FOXP1: variants seen among roughly 807,000 people sequenced by gnomAD.
FOXP1 encodes the protein forkhead box P1, also known as forkhead box protein P1.
A neutral mutation model predicts 98.2 loss-of-function variants in FOXP1; 15 were observed. The observed-to-expected ratio is 0.15, with a 90% CI of 0.10 to 0.24. The LOEUF is 0.24. Ranked by LOEUF, FOXP1 falls within the 10% of genes least tolerant of loss-of-function variation. The pLI is 1.00. For missense variants in FOXP1, 633 were observed against 848.5 expected, an observed-to-expected ratio of 0.75 and a Z score of 3.15; for synonymous variants, 371 against 314.5, an observed-to-expected ratio of 1.18 and a Z score of -1.90.
At chr3:71,243,262 A>G (rs2067438509) in intron 5 of FOXP1, among the ~76,000 whole-genome samples, 1 of 152,240 alleles carries the variant, frequency 6.6e-6, no homozygotes. Context: ...ATAGAAACTT[A>G]GGGGCTGCTC....
intron 5 of FOXP1, among the ~76,000 whole-genome samples, chr3:71,221,048 G>A (rs929013522): frequency 2.0e-5 from 3 of 152,018 alleles, no homozygotes; most frequent in African/African-American, 7.2e-5. Context: ...ACATTTTAGA[G>A]CGGGGTCCCC....
At chr3:71,016,137 TTAAA>T (rs1218246396) in intron 11 of FOXP1, among the ~76,000 whole-genome samples, 1 of 152,176 alleles carries the variant, frequency 6.6e-6, no homozygotes, top group Non-Finnish European at 1.5e-5. Flanking sequence ...AGGAGTACAA[TTAAA>T]TAATTTGGAA....
intron 7 of FOXP1, among the ~76,000 whole-genome samples, chr3:71,107,868 A>C (rs971706278): frequency 6.6e-6 from 1 of 152,214 alleles, no homozygotes; most frequent in Non-Finnish European, 1.5e-5. Flanking sequence ...CTGCAAATAA[A>C]AATGCTAAAA....
chr3:71,278,705 A>G (rs2107374708), intron 5 of FOXP1, among the ~76,000 whole-genome samples: 1 of 152,278 alleles, frequency 6.6e-6, no homozygotes, highest in South Asian at 2.1e-4. Context: ...CCACTTGAAC[A>G]TGGGAGGCGG....
chr3:71,431,625 GT>G (rs1289570322), intron 3 of FOXP1, among the ~76,000 whole-genome samples: 1 of 152,170 alleles, frequency 6.6e-6, no homozygotes, highest in African/African-American at 2.4e-5. Context: ...CCATTGCCTG[GT>G]TTGAATACTT....
intron 6 of FOXP1, among the ~76,000 whole-genome samples, chr3:71,162,018 T>C (rs1247398461): frequency 6.6e-6 from 1 of 152,218 alleles, no homozygotes; most frequent in Non-Finnish European, 1.5e-5. Flanking sequence ...GTTTCAGTTC[T>C]GGACCAATTG....
intron 3 of FOXP1, among the ~76,000 whole-genome samples, chr3:71,363,507 A>C (rs1419248515): frequency 6.6e-6 from 1 of 152,202 alleles, no homozygotes. Flanking sequence ...TTCAGACTGC[A>C]GGCTAATTTT....
intron 17 of FOXP1, among the ~76,000 whole-genome samples, chr3:70,973,193 C>T (rs962316116): frequency 2.0e-5 from 3 of 152,106 alleles, no homozygotes; most frequent in Non-Finnish European, 4.4e-5. Context: ...TTGAGAGTAT[C>T]GCCTTGTATA....
intron 2 of FOXP1, among the ~76,000 whole-genome samples, chr3:71,532,108 C>A (rs1388337552): frequency 6.6e-6 from 1 of 152,048 alleles, no homozygotes; most frequent in Non-Finnish European, 1.5e-5. Flanking sequence ...AAAAAAAATT[C>A]TTTTGTTTTG....
chr3:71,310,958 CA>C (rs1416411185), intron 4 of FOXP1, among the ~76,000 whole-genome samples: 2 of 152,106 alleles, frequency 1.3e-5, no homozygotes, highest in African/African-American at 4.8e-5. Flanking sequence ...TTGTTCTGGG[CA>C]AAAAGTTTAG....
At position 71,476,554 on chromosome 3, in the gene FOXP1, G is replaced by C. The variant is rs913324943; in HGVS notation, c.-168+16872C>G. ...TGCCATTTTGTTATTGCAATGGCGC[G>C]ATCTCAGCTCACTGCAACCTCCACC... On this transcript the variant is annotated intron_variant, in intron 3 of 20. Coordinates refer to ENST00000649528, the MANE Select transcript of FOXP1 (RefSeq NM_001349338.3). Among the ~76,000 whole-genome samples, 8 of 151,896 alleles carry C rather than the reference G, an allele frequency of 5.3e-5. No individual in the cohort carries two copies. In the South Asian group the frequency reaches 1.0e-3, roughly 20 times the overall value.
intron 3 of FOXP1, among the ~76,000 whole-genome samples, chr3:71,397,515 G>A (rs1465883153): frequency 6.6e-6 from 1 of 152,234 alleles, no homozygotes; most frequent in South Asian, 2.1e-4. Flanking sequence ...GGGCCTTGGG[G>A]CCAGTTTTTG....
At chr3:71,338,052 A>T (rs188050962) in intron 4 of FOXP1, among the ~76,000 whole-genome samples, 1 of 152,202 alleles carries the variant, frequency 6.6e-6, no homozygotes, top group South Asian at 2.1e-4. Flanking sequence ...CTCTGAAGAG[A>T]TTCGAAAGAG....
At chr3:71,457,249 A>G (rs998957911) in intron 3 of FOXP1, among the ~76,000 whole-genome samples, 1 of 152,238 alleles carries the variant, frequency 6.6e-6, no homozygotes, top group African/African-American at 2.4e-5. Context: ...CAAAGTCAGA[A>G]AAGCAAACCT....
intron 10 of FOXP1, among the ~76,000 whole-genome samples, chr3:71,043,764 G>A (rs763077089): frequency 7.2e-5 from 11 of 152,150 alleles, no homozygotes; most frequent in South Asian, 2.1e-4. Context: ...GCTTTCTCTC[G>A]AAGAAAAGCA....
intron 5 of FOXP1, among the ~76,000 whole-genome samples, chr3:71,243,468 T>C (rs549201549): frequency 2.6e-5 from 4 of 152,308 alleles, no homozygotes; most frequent in East Asian, 1.9e-4. Flanking sequence ...AGCCAAGCAC[T>C]GTGGCATGAA....
At chr3:71,384,492 A>G (rs1021867576) in intron 3 of FOXP1, among the ~76,000 whole-genome samples, 2 of 152,220 alleles carry the variant, frequency 1.3e-5, no homozygotes, top group Non-Finnish European at 2.9e-5. Flanking sequence ...GGTATAAGAT[A>G]AAAGTTCAAG....
At chr3:71,115,418 C>A (rs2058297579) in intron 6 of FOXP1, among the ~76,000 whole-genome samples, 1 of 151,696 alleles carries the variant, frequency 6.6e-6, no homozygotes, top group Non-Finnish European at 1.5e-5. Flanking sequence ...CTCGCTGCAA[C>A]CTCTGCCTCC....
In FOXP1 at chr3:71,167,698, T is replaced by C. The variant is rs79739188; in HGVS notation, c.180+30504A>G. On this transcript the variant is annotated intron_variant, in intron 6 of 20. Transcript: ENST00000649528. Reference sequence around the variant, plus strand: ...TCACTTCATTACTGCCCTGCAGTTATTTTACATTATTTAATCCCAAATCCC... The same window carrying C: ...TCACTTCATTACTGCCCTGCAGTTACTTTACATTATTTAATCCCAAATCCC... Among the ~76,000 whole-genome samples the C allele has an allele frequency of 2.0e-3, 298 of 152,322 alleles. 8 individuals are homozygous for C. The East Asian group carries it at 0.048, about 25-fold the overall frequency.
Sources: allele counts gnomAD v4.1 joint callset (sites outside exome capture counted in the v4.1 genomes callset), GRCh38; gene constraint gnomAD v4.1.1; transcripts MANE v1.5; gene names NCBI Gene and HGNC (gene_info 2026-07-23, HGNC 2026-07-21).